ABCA13: variants seen among roughly 807,000 people sequenced by gnomAD.
The protein encoded by ABCA13 is ATP binding cassette subfamily A member 13, also known as ATP-binding cassette sub-family A member 13.
A neutral mutation model predicts 478.7 loss-of-function variants in ABCA13; 476 were observed. The observed-to-expected ratio is 0.99, with a 90% CI of 0.92 to 1.07. The LOEUF (loss-of-function observed/expected upper bound fraction) is 1.07. ABCA13 is among the 50% of genes least tolerant of loss of function. ABCA13 has a pLI of 0.00. For missense variants in ABCA13, 6,060 were observed against 5,910.6 expected (o/e 1.03, Z -0.83); for synonymous variants, 2,252 against 2,158.9 (o/e 1.04, Z -1.20).
chr7:48,532,337 T>G (rs1350911389), intron 55 of ABCA13, among the ~76,000 whole-genome samples: 1 of 152,162 alleles, frequency 6.6e-6, no homozygotes, highest in African/African-American at 2.4e-5. Flanking sequence ...CCTGCATCCC[T>G]GGTATGAAAC....
At chr7:48,315,746 G>A (rs1802497732) in intron 26 of ABCA13, among the ~76,000 whole-genome samples, 1 of 152,092 alleles carries the variant, frequency 6.6e-6, no homozygotes. Flanking sequence ...CCAAAGTGCT[G>A]GGATTACAGG....
chr7:48,642,079 G>C (rs753785282), intron 59 of ABCA13, among the ~76,000 whole-genome samples: 3 of 152,160 alleles, frequency 2.0e-5, no homozygotes, highest in Non-Finnish European at 2.9e-5. Context: ...GCCATGTGAA[G>C]ATTAGAAACC....
Position 48,551,943 on chromosome 7 carries a change from A to G in ABCA13, c.14354+23598A>G, listed in dbSNP as rs896804715. Among the ~76,000 whole-genome samples, 4 of 151,752 alleles carry G rather than the reference A, an allele frequency of 2.6e-5. 1 individual carries two copies. The highest frequency in any genetic ancestry group is 5.9e-5 in the Non-Finnish European group (4 of 67,844). On this transcript the variant is annotated intron_variant, in intron 55 of 61. Transcript: ENST00000435803. ...AGAGGTCCAAGGCAGCCTCACTTTG[A>G]TTCTTGTTCAGATATTTACATGTTT...
chr7:48,352,361 A>G lies in ABCA13; in HGVS notation c.10562A>G (p.Asn3521Ser), dbSNP rs1403063331. The G allele has an allele frequency of 6.2e-7, 1 of 1,613,718 alleles. No homozygotes were observed. The highest frequency in any genetic ancestry group is 2.2e-5 in the East Asian group (1 of 44,852). ...CTACCAGCTGATGGGTTCAAATATA[A>G]CTACGTCTTTGCCCCACTGCAAGAC... Reference protein sequence around the residue: ...QNLPADGFKYNYVFAPLQDMI... With the variant: ...QNLPADGFKYSYVFAPLQDMI... The change falls in exon 31 of 62, where the codon AAC becomes AGC. Residue 3521 changes from asparagine (N) to serine (S), a missense_variant. Asn to Ser is a conservative substitution (Grantham distance 46). Transcript: ENST00000435803.
chr7:48,327,415 A>G (rs1454329432), intron 27 of ABCA13, among the ~76,000 whole-genome samples: 1 of 152,148 alleles, frequency 6.6e-6, no homozygotes, highest in Non-Finnish European at 1.5e-5. Flanking sequence ...GGGGAAGTAC[A>G]ATTCAAGATG....
chr7:48,201,060 A>G (rs999866694), intron 3 of ABCA13, among the ~76,000 whole-genome samples: 1 of 150,530 alleles, frequency 6.6e-6, no homozygotes, highest in Non-Finnish European at 1.5e-5. Flanking sequence ...CAGAGCTCTC[A>G]GGCTCCGCCT....
At chr7:48,488,429 A>G (rs890857210) in intron 47 of ABCA13, among the ~76,000 whole-genome samples, 2 of 152,176 alleles carry the variant, frequency 1.3e-5, no homozygotes, top group Admixed American at 6.5e-5. Context: ...CAAAGTTTGC[A>G]TAAACTACGA....
Position 48,275,599 on chromosome 7 carries a change from G to A in ABCA13, c.5933G>A (p.Ser1978Asn), listed in dbSNP as rs767396407. The change falls in exon 17 of 62, where the codon AGT becomes AAT. Residue 1978 changes from serine (S) to asparagine (N), a missense_variant. Ser to Asn is a conservative substitution (Grantham distance 46). Around this residue, in one of 3 missense-constraint regions of ABCA13, gnomAD observed 4,423 missense variants for 4,309.1 expected, o/e 1.03. Coordinates refer to ENST00000435803, the MANE Select transcript of ABCA13 (RefSeq NM_152701.5). ...GGTGAAAATATTCTTGACAAACTAA[G>A]TAGTTTAAACAAGATCCTTAACATT... Reference protein sequence around the residue: ...TSGENILDKLSSLNKILNINE... With the variant: ...TSGENILDKLNSLNKILNINE... 2 of 1,611,790 alleles carry A rather than the reference G, an allele frequency of 1.2e-6. No homozygotes were observed. Among genetic ancestry groups the A allele is most frequent in the East Asian group, 4.5e-5 (2 of 44,826 alleles).
chr7:48,625,576 A>G (rs1201892779), intron 59 of ABCA13, among the ~76,000 whole-genome samples: 1 of 152,210 alleles, frequency 6.6e-6, no homozygotes, highest in Non-Finnish European at 1.5e-5. Context: ...TGCTATGTGT[A>G]ATTTGTCATC....
At chr7:48,602,279 T>C (rs1314943482) in intron 58 of ABCA13, among the ~76,000 whole-genome samples, 3 of 152,224 alleles carry the variant, frequency 2.0e-5, no homozygotes, top group Non-Finnish European at 4.4e-5. Context: ...TTTGGTGTTT[T>C]AGTCATGAAG....
intron 1 of ABCA13, among the ~76,000 whole-genome samples, chr7:48,189,937 A>G (rs942901772): frequency 7.2e-5 from 11 of 152,190 alleles, no homozygotes; most frequent in Non-Finnish European, 1.3e-4. Flanking sequence ...ATAAAGAACA[A>G]CTTAATAGAA....
In ABCA13 at chr7:48,249,277, A is replaced by G. The variant is rs957107870; in HGVS notation, c.1931A>G (p.Lys644Arg). 2 of 1,613,468 alleles carry G rather than the reference A, an allele frequency of 1.2e-6. No individual in the cohort carries two copies. Among genetic ancestry groups the G allele is most frequent in the Admixed American group, 3.3e-5 (2 of 59,992 alleles). The change falls in exon 15 of 62, where the codon AAA becomes AGA. Residue 644 changes from lysine to arginine, a missense_variant. Physicochemically the swap from Lys to Arg is conservative, Grantham distance 26. This residue lies in a region of ABCA13 where 4,423 missense variants were observed against 4,309.1 expected (regional missense o/e 1.03). Coordinates refer to ENST00000435803, the MANE Select transcript of ABCA13 (RefSeq NM_152701.5). ...LEQAYYWKAF[K>R]KFIRKTCEVA... Reference sequence around the variant, plus strand: ...CAAGCATATTATTGGAAAGCCTTCAAAAAGTTTATCAGGAAGACTTGCGAA... The same window carrying G: ...CAAGCATATTATTGGAAAGCCTTCAGAAAGTTTATCAGGAAGACTTGCGAA...
At chr7:48,324,028 T>C (rs1243655061) in intron 27 of ABCA13, among the ~76,000 whole-genome samples, 2 of 152,202 alleles carry the variant, frequency 1.3e-5, no homozygotes, top group African/African-American at 2.4e-5. Flanking sequence ...TTAAACCTCT[T>C]TCCTTTATAA....
intron 58 of ABCA13, chr7:48,612,284 T>C (rs1210096033): frequency 3.9e-5 from 6 of 152,332 alleles, no homozygotes; most frequent in African/African-American, 1.4e-4. Context: ...CACATTGAGG[T>C]GCATGGAAGG....
At chr7:48,570,519 T>G (rs377140477) in intron 55 of ABCA13, among the ~76,000 whole-genome samples, 5 of 151,954 alleles carry the variant, frequency 3.3e-5, no homozygotes, top group East Asian at 3.9e-4. Context: ...GAGACGGGGT[T>G]TCACCATGTT....
At chr7:48,219,260 A>C (rs2128962107) in intron 3 of ABCA13, 94 bp from the exon 4 acceptor site, 4 of 1,374,918 alleles carry the variant, frequency 2.9e-6, no homozygotes, top group Non-Finnish European at 3.9e-6. Flanking sequence ...TACAAGTTTA[A>C]TTGAAAGCAA....
In ABCA13 at chr7:48,352,262, T is replaced by C. The variant is rs1238927429; in HGVS notation, c.10463T>C (p.Ile3488Thr). The stretch of plus-strand genomic sequence containing the variant: ...CTGCCACCCCATGTCTCATACACAA[T>C]CCGGACCAATGTGTTATACAGCGTG... Reference protein sequence around the residue: ...VKLPPHVSYTIRTNVLYSVRT... With the variant: ...VKLPPHVSYTTRTNVLYSVRT... The change falls in exon 31 of 62, where the codon ATC becomes ACC. Residue 3488 changes from isoleucine (I) to threonine (T), a missense_variant. Physicochemically the swap from Ile to Thr is moderately conservative, Grantham distance 89. This residue lies in a region of ABCA13 where 4,423 missense variants were observed against 4,309.1 expected (regional missense o/e 1.03). Transcript: ENST00000435803. 1 of 1,613,782 alleles carries C rather than the reference T, an allele frequency of 6.2e-7. No homozygotes were observed. Among genetic ancestry groups the C allele is most frequent in the Non-Finnish European group, 8.5e-7 (1 of 1,179,846 alleles).
intron 15 of ABCA13, among the ~76,000 whole-genome samples, chr7:48,253,754 G>T (rs1233820138): frequency 6.6e-6 from 1 of 152,164 alleles, no homozygotes; most frequent in African/African-American, 2.4e-5. Context: ...AGAGTGCTGG[G>T]ATTACAGGCA....
intron 2 of ABCA13, among the ~76,000 whole-genome samples, chr7:48,193,936 A>G: frequency 2.4e-5 from 1 of 41,874 alleles, no homozygotes; most frequent in Non-Finnish European, 5.2e-5. Context: ...AATAATGTAG[A>G]TAATAGTAAT....
Sources: allele counts gnomAD v4.1 joint callset (sites outside exome capture counted in the v4.1 genomes callset), GRCh38; gene constraint gnomAD v4.1.1; regional missense constraint gnomAD v4.1.1; transcripts MANE v1.5; gene names NCBI Gene and HGNC (gene_info 2026-07-23, HGNC 2026-07-21).